The following UNC13B variants were observed in gnomAD, a reference collection of about 807,000 sequenced individuals.
The protein encoded by UNC13B is unc-13 homolog B, also known as protein unc-13 homolog B.
Under a neutral mutation model 211.0 loss-of-function variants are expected in UNC13B, and 144 were observed. The ratio of observed to expected loss-of-function variants is 0.68; its 90% CI spans 0.60 to 0.78. The LOEUF (loss-of-function observed/expected upper bound fraction) is 0.78. UNC13B is among the 30% of genes least tolerant of loss of function. The pLI is 0.00. For synonymous variants in UNC13B, 709 were observed against 725.8 expected (o/e 0.98, Z 0.37); for missense variants, 1,777 against 2,002.0 (o/e 0.89, Z 2.14).
intron 1 of UNC13B, among the ~76,000 whole-genome samples, chr9:35,174,951 G>A (rs1821541342): frequency 6.6e-6 from 1 of 152,086 alleles, no homozygotes; most frequent in African/African-American, 2.4e-5. Context: ...GGGATTACAG[G>A]CATGAGCCAC....
intron 26 of UNC13B, among the ~76,000 whole-genome samples, chr9:35,395,867 A>C (rs1835838160): frequency 6.6e-6 from 1 of 152,160 alleles, no homozygotes; most frequent in Admixed American, 6.5e-5. Context: ...TCATATTTGC[A>C]TACTTCCCTG....
At chr9:35,211,989 G>A (rs1823993818) in intron 1 of UNC13B, among the ~76,000 whole-genome samples, 1 of 152,150 alleles carries the variant, frequency 6.6e-6, no homozygotes, top group African/African-American at 2.4e-5. Context: ...ACAGGCATCA[G>A]CCACTGCACC....
intron 1 of UNC13B, among the ~76,000 whole-genome samples, chr9:35,183,623 C>T (rs1365070942): frequency 3.6e-5 from 5 of 138,004 alleles, no homozygotes; most frequent in Middle Eastern, 4.5e-3. Flanking sequence ...GACGGGGCGG[C>T]CGGGCAGAGG....
chr9:35,392,306 G>A (rs564925758), intron 26 of UNC13B, among the ~76,000 whole-genome samples: 1 of 152,306 alleles, frequency 6.6e-6, no homozygotes, highest in Admixed American at 6.5e-5. Flanking sequence ...AGTGGGAGAT[G>A]AGGGCAGCTA....
chr9:35,359,802 T>C (rs1266724422), intron 11 of UNC13B, among the ~76,000 whole-genome samples: 1 of 152,186 alleles, frequency 6.6e-6, no homozygotes, highest in East Asian at 1.9e-4. Flanking sequence ...TCATCTAGAT[T>C]ACTGCAGTGG....
At chr9:35,402,028 A>T in intron 37 of UNC13B, 1 of 1,549,206 alleles carries the variant, frequency 6.5e-7, no homozygotes. Flanking sequence ...CACCGTGCAG[A>T]TATGGATCTA....
At chr9:35,346,350 G>A (rs1012113279) in intron 11 of UNC13B, among the ~76,000 whole-genome samples, 1 of 152,034 alleles carries the variant, frequency 6.6e-6, no homozygotes. Flanking sequence ...AGCCAGATTT[G>A]GGTTAGAAGC....
intron 30 of UNC13B, 59 bp from the exon 31 acceptor site, chr9:35,398,152 G>A (rs1344648010): frequency 1.0e-5 from 16 of 1,529,208 alleles, no homozygotes; most frequent in Middle Eastern, 1.7e-4. Context: ...AGGGAACCTA[G>A]GCTAATGGGT....
intron 11 of UNC13B, among the ~76,000 whole-genome samples, chr9:35,335,152 A>G (rs1374361298): frequency 6.6e-6 from 1 of 152,258 alleles, no homozygotes; most frequent in Non-Finnish European, 1.5e-5. Context: ...ACTTTAAGGA[A>G]CAAGCCCTTT....
chr9:35,399,721 A>G lies in UNC13B; in HGVS notation c.12328A>G (p.Thr4110Ala), dbSNP rs762202317. The change falls in exon 36 of 40, where the codon ACC (threonine) becomes GCC (alanine). Residue 4110 changes from threonine to alanine, a missense_variant. Physicochemically the swap from Thr to Ala is moderately conservative, Grantham distance 58. Transcript: ENST00000635942. The stretch of plus-strand genomic sequence containing the variant: ...TGCAGTCCTTGACCTCGCCCTGGAC[A>G]CCATCAAGGTGGAGGCCCCCCCTTT... ...QCAVLDLALDTIKQYFHAGGN... is the reference protein window; with the variant it reads ...QCAVLDLALDAIKQYFHAGGN... The G allele has an allele frequency of 6.2e-7, 1 of 1,614,016 alleles. No individual in the cohort carries two copies. The highest frequency in any genetic ancestry group is 8.5e-7 in the Non-Finnish European group (1 of 1,179,970).
In UNC13B at chr9:35,174,552, CT is replaced by C. The variant is rs1174428850; in HGVS notation, c.22+12260del. On this transcript the variant is annotated intron_variant, in intron 1 of 39. Transcript: ENST00000635942. The stretch of plus-strand genomic sequence containing the variant: ...TGCTGGCCAGGCTAGTCTTGAACTC[CT>C]TTTTTTTTTTTTGAGACAGAGTCTC... 8.5e-3 allele frequency among the ~76,000 whole-genome samples: 1,197 copies of C among 140,626 alleles called. 10 individuals are homozygous for C. The highest frequency in any genetic ancestry group is 0.019 in the African/African-American group (735 of 38,418). The allele number at this position is 140,626 out of a possible 152,430, so 92.3% of individuals were successfully genotyped here. A position where few individuals can be genotyped will look rare whatever the true frequency, so the allele number is the denominator to read the frequency against.
In UNC13B at chr9:35,398,861, A is replaced by G. The variant is rs1404016186; in HGVS notation, c.11922-21A>G. 4 of 1,607,526 alleles carry G rather than the reference A, an allele frequency of 2.5e-6. No individual in the cohort carries two copies. In the South Asian group the frequency reaches 3.3e-5, roughly 13 times the overall value. ...GTGTGTGTTTGGGGAGGGAAAGGCTACACTGCGGGCACATGTGTAGTTTCC... is the reference window on the plus strand; with the variant it reads ...GTGTGTGTTTGGGGAGGGAAAGGCTGCACTGCGGGCACATGTGTAGTTTCC... On this transcript the variant is annotated intron_variant, in intron 32 of 39. Coordinates refer to ENST00000635942, the MANE Select transcript of UNC13B (RefSeq NM_001371189.2).
intron 11 of UNC13B, chr9:35,352,076 G>A: frequency 8.1e-7 from 1 of 1,232,232 alleles, no homozygotes; most frequent in Non-Finnish European, 1.0e-6. Flanking sequence ...TGTAGACTCA[G>A]TACTGAGTGA....
At chr9:35,283,339 A>G (rs1828614697) in intron 7 of UNC13B, among the ~76,000 whole-genome samples, 1 of 152,226 alleles carries the variant, frequency 6.6e-6, no homozygotes, top group Non-Finnish European at 1.5e-5. Flanking sequence ...ATGCATTTCT[A>G]TAAGTGGAAT....
chr9:35,310,334 G>C, intron 9 of UNC13B, 133 bp from the exon 10 acceptor site: 1 of 935,066 alleles, frequency 1.1e-6, no homozygotes, highest in East Asian at 2.5e-5. Context: ...ATGAAGTTTG[G>C]TCCTCTCTTC....
Position 35,310,735 on chromosome 9 carries a change from C to G in UNC13B, c.9277C>G (p.Pro3093Ala), listed in dbSNP as rs758572676. 1.2e-6 allele frequency: 2 copies of G among 1,613,976 alleles called. No homozygotes were observed. Among genetic ancestry groups the G allele is most frequent in the African/African-American group, 1.3e-5 (1 of 74,998 alleles). ...AGAAGATGCCACAACCCACCCTCCC[C>G]CAGATCTGGTGCTGCAAAAAGACCA... ...MKEDATTHPP[P>A]DLVLQKDHFL... is the part of the protein sequence containing the mutation. Residue 3093 changes from proline to alanine, a missense_variant, in exon 10 of 40, where the codon CCA (proline) becomes GCA (alanine). By Grantham distance (27) the Pro-to-Ala change is conservative. Transcript: ENST00000635942.
chr9:35,198,827 C>T (rs34239190), intron 1 of UNC13B, among the ~76,000 whole-genome samples: 3,361 of 152,162 alleles, frequency 0.022, 51 homozygotes, highest in Non-Finnish European at 0.032. Context: ...AGGTTGGAGG[C>T]ATTATGTCTC....
At chr9:35,252,302 A>G (rs1321628284) in intron 6 of UNC13B, among the ~76,000 whole-genome samples, 1 of 72,972 alleles carries the variant, frequency 1.4e-5, no homozygotes, top group Admixed American at 1.7e-4. Flanking sequence ...CTATTTTATT[A>G]GAGTCTGAAA....
intron 1 of UNC13B, among the ~76,000 whole-genome samples, chr9:35,221,366 G>A (rs554593660): frequency 3.3e-5 from 5 of 152,120 alleles, no homozygotes; most frequent in Non-Finnish European, 5.9e-5. Flanking sequence ...CACCATGCCC[G>A]GCCTGTCCGT....
Sources: gnomAD v4.1 joint callset for allele counts (sites outside exome capture counted in the v4.1 genomes callset) on GRCh38, gnomAD v4.1.1 for gene constraint, MANE v1.5 for transcripts, NCBI Gene and HGNC (gene_info 2026-07-23, HGNC 2026-07-21) for gene names.